Variants in DSCAM observed in about 807,000 individuals in gnomAD.
DSCAM encodes DS cell adhesion molecule, also known as cell adhesion molecule DSCAM.
A neutral mutation model predicts 217.7 loss-of-function variants in DSCAM; 47 were observed. The ratio of observed to expected loss-of-function variants is 0.22; its 90% CI spans 0.17 to 0.28. The LOEUF (loss-of-function observed/expected upper bound fraction) is 0.28. Ranked by LOEUF, DSCAM falls within the 10% of genes least tolerant of loss-of-function variation. DSCAM has a pLI of 1.00. For synonymous variants in DSCAM, 1,056 were observed against 1,015.3 expected (o/e 1.04, Z -0.76); for missense variants, 2,080 against 2,618.3 (o/e 0.79, Z 4.49).
intron 3 of DSCAM, among the ~76,000 whole-genome samples, chr21:40,437,482 A>G (rs2075593306): frequency 6.6e-6 from 1 of 152,180 alleles, no homozygotes. Context: ...GACCAGCTTT[A>G]TGATTATCTC....
intron 20 of DSCAM, among the ~76,000 whole-genome samples, chr21:40,099,806 A>G (rs8127271): frequency 0.073 from 11,035 of 152,202 alleles, 435 homozygotes; most frequent in East Asian, 0.11. Flanking sequence ...TGGGGCAGGA[A>G]TAAGGATTTT....
chr21:40,724,760 A>C (rs1288020995), intron 1 of DSCAM, among the ~76,000 whole-genome samples: 2 of 152,226 alleles, frequency 1.3e-5, no homozygotes, highest in Non-Finnish European at 1.5e-5. Context: ...ACTGAAGTGA[A>C]ATGACAAAAA....
At chr21:40,451,981 C>T (rs1454906774) in intron 3 of DSCAM, among the ~76,000 whole-genome samples, 5 of 152,006 alleles carry the variant, frequency 3.3e-5, no homozygotes, top group East Asian at 3.9e-4. Flanking sequence ...CAACAGTCAG[C>T]GCTACTGCTG....
chr21:40,332,415 C>A (rs778059038), intron 8 of DSCAM, among the ~76,000 whole-genome samples: 2 of 152,134 alleles, frequency 1.3e-5, no homozygotes, highest in Non-Finnish European at 2.9e-5. Flanking sequence ...GCTTTATCTA[C>A]GTTACAGAGT....
chr21:40,116,874 C>T (rs1368530987), intron 20 of DSCAM, among the ~76,000 whole-genome samples: 8 of 150,936 alleles, frequency 5.3e-5, no homozygotes, highest in Non-Finnish European at 1.0e-4. Flanking sequence ...TGGTGGCGGG[C>T]GCCTGTAGTC....
chr21:40,637,424 A>T lies in DSCAM; in HGVS notation c.508+55386T>A, dbSNP rs373065316. 1.3e-3 allele frequency among the ~76,000 whole-genome samples: 9 copies of T among 7,160 alleles called. 2 individuals carry two copies. The highest frequency in any genetic ancestry group is 6.1e-3 in the East Asian group (2 of 326). The allele number at this position is 7,160 out of a possible 152,430, so 4.7% of individuals were successfully genotyped here. On this transcript the variant is annotated intron_variant, in intron 3 of 32. Coordinates refer to ENST00000400454, the MANE Select transcript of DSCAM (RefSeq NM_001389.5). ...ATATATAAATATAAATATATATATA[A>T]ATATATAAATATAAATATATATATA... is the stretch of plus-strand genomic sequence containing the variant.
At chr21:40,261,352 C>T (rs1348099771) in intron 11 of DSCAM, among the ~76,000 whole-genome samples, 1 of 152,120 alleles carries the variant, frequency 6.6e-6, no homozygotes, top group African/African-American at 2.4e-5. Flanking sequence ...AAGATTAAAG[C>T]CGAATTGGTA....
chr21:40,340,045 T>C lies in DSCAM; in HGVS notation c.1211-630A>G, dbSNP rs552982496. 5.9e-5 allele frequency among the ~76,000 whole-genome samples: 9 copies of C among 152,236 alleles called. No individual in the cohort carries two copies. The East Asian group carries it at 1.7e-3, about 29-fold the overall frequency. On this transcript the variant is annotated intron_variant, in intron 6 of 32. Transcript: ENST00000400454. ...CTTCCATGAAGTCTCTGAGAATGGG[T>C]AGAAGCTAAATAAAGTTTGTATTAA...
intron 3 of DSCAM, among the ~76,000 whole-genome samples, chr21:40,438,395 A>G (rs1435228973): frequency 6.6e-6 from 1 of 152,224 alleles, no homozygotes; most frequent in African/African-American, 2.4e-5. Context: ...TCAAACAATG[A>G]TTGGGTTGAT....
intron 3 of DSCAM, among the ~76,000 whole-genome samples, chr21:40,602,575 G>A (rs1425251629): frequency 6.6e-6 from 1 of 152,096 alleles, no homozygotes; most frequent in Non-Finnish European, 1.5e-5. Flanking sequence ...CAAGAAATTA[G>A]TTTATTTCAT....
At chr21:40,335,610 A>T (rs2074422473) in intron 8 of DSCAM, among the ~76,000 whole-genome samples, 3 of 152,194 alleles carry the variant, frequency 2.0e-5, no homozygotes, top group Admixed American at 1.3e-4. Flanking sequence ...ACTTCTGGAA[A>T]TTTTTCTCGA....
intron 1 of DSCAM, among the ~76,000 whole-genome samples, chr21:40,797,311 G>A (rs992493287): frequency 6.6e-6 from 1 of 152,176 alleles, no homozygotes; most frequent in Admixed American, 6.5e-5. Flanking sequence ...ACTTATGGAT[G>A]CTGCTTAGCC....
chr21:40,787,700 AT>A (rs2091606447), intron 1 of DSCAM, among the ~76,000 whole-genome samples: 1 of 152,216 alleles, frequency 6.6e-6, no homozygotes, highest in South Asian at 2.1e-4. Context: ...AGCTCAACCC[AT>A]AATTAATATA....
rs532296568 is a variant in DSCAM, at chr21:40,413,722, C to A, written c.509-44477G>T. On this transcript the variant is annotated intron_variant, in intron 3 of 32. Transcript: ENST00000400454. The stretch of plus-strand genomic sequence containing the variant: ...GTTTTAAGACTCATTATAGAGTTAC[C>A]TAATCAAGACAGTATATTATTCACA... Among the ~76,000 whole-genome samples, 11 of 152,220 alleles carry A rather than the reference C, an allele frequency of 7.2e-5. 1 individual carries two copies. Among genetic ancestry groups the A allele is most frequent in the African/African-American group, 2.4e-4 (10 of 41,542 alleles).
At chr21:40,108,076 G>A (rs2089844733) in intron 20 of DSCAM, among the ~76,000 whole-genome samples, 3 of 152,260 alleles carry the variant, frequency 2.0e-5, no homozygotes, top group Admixed American at 2.0e-4. Flanking sequence ...GCAAAAGCTG[G>A]AAGTATTCCC....
At chr21:40,711,921 A>T (rs1440108093) in intron 1 of DSCAM, among the ~76,000 whole-genome samples, 1 of 152,194 alleles carries the variant, frequency 6.6e-6, no homozygotes, top group African/African-American at 2.4e-5. Context: ...ATCTCCCTTC[A>T]GGTAACTCAA....
intron 1 of DSCAM, among the ~76,000 whole-genome samples, chr21:40,800,798 C>T (rs2091733591): frequency 6.6e-6 from 1 of 150,894 alleles, no homozygotes; most frequent in Non-Finnish European, 1.5e-5. Flanking sequence ...TCACTGCAAC[C>T]TCTGCCTCCC....
At chr21:40,285,896 G>A (rs1304208234) in intron 10 of DSCAM, among the ~76,000 whole-genome samples, 9 of 152,310 alleles carry the variant, frequency 5.9e-5, no homozygotes, top group Non-Finnish European at 2.9e-5. Flanking sequence ...GTGAGAGCCA[G>A]GACTTGATAG....
Position 40,353,356 on chromosome 21 carries a change from T to G in DSCAM, c.934+109A>C, listed in dbSNP as rs1239480363. The G allele has an allele frequency of 3.5e-6, 5 of 1,435,440 alleles. No homozygotes were observed. In the South Asian group the frequency reaches 5.5e-5, roughly 16 times the overall value. 88.9% of individuals were successfully genotyped at this position (1,435,440 alleles called of 1,614,324 possible). On this transcript the variant is annotated intron_variant, in intron 5 of 32. Transcript: ENST00000400454. ...AGGTTTCTGTTGATCTCAGCTGGAC[T>G]GTTTTGGGAGTTAATGGAAAGCTAC...
Sources: allele counts gnomAD v4.1 joint callset (sites outside exome capture counted in the v4.1 genomes callset), GRCh38; gene constraint gnomAD v4.1.1; transcripts MANE v1.5; gene names NCBI Gene and HGNC (gene_info 2026-07-23, HGNC 2026-07-21).